ZZEF1: variants seen among roughly 807,000 people sequenced by gnomAD.
The protein encoded by ZZEF1 is zinc finger ZZ-type and EF-hand domain containing 1, also known as zinc finger ZZ-type and EF-hand domain-containing protein 1.
Under a neutral mutation model 342.8 loss-of-function variants are expected in ZZEF1, and 157 were observed. The ratio of observed to expected loss-of-function variants is 0.46; its 90% CI spans 0.40 to 0.52. The LOEUF (loss-of-function observed/expected upper bound fraction) is 0.52. ZZEF1 is among the 20% of genes least tolerant of loss of function. The pLI, the probability that ZZEF1 is intolerant of heterozygous loss-of-function variation, is 0.00. For missense variants in ZZEF1, 3,480 were observed against 3,725.6 expected (o/e 0.93, Z 1.72); for synonymous variants, 1,505 against 1,429.1 (o/e 1.05, Z -1.20).
At chr17:4,119,044 T>G (rs909294706) in intron 2 of ZZEF1, among the ~76,000 whole-genome samples, 1 of 152,230 alleles carries the variant, frequency 6.6e-6, no homozygotes, top group African/African-American at 2.4e-5. Context: ...AGTGAGGGTA[T>G]ATTGCTGGCC....
rs753571790 is a variant in ZZEF1 at position 4,142,578 on chromosome 17, A to G, written c.318T>C (p.Ala106=). ...TLEQFRELLE[A]RGAGCSSEQF... ...GCTCGCTAGAGCAGCCGGCGCCGCG[A>G]GCCTCCAGCAGCTCCCGGAACTGCT... The change falls in exon 1 of 55, where the codon GCT becomes GCC. Residue 106 remains alanine, a synonymous_variant. Transcript: ENST00000381638. 14 of 1,603,496 alleles carry G rather than the reference A, an allele frequency of 8.7e-6. No individual in the cohort carries two copies. The highest frequency in any genetic ancestry group is 5.5e-5 in the South Asian group (5 of 90,994).
chr17:4,053,954 G>A, intron 34 of ZZEF1, 103 bp downstream of exon 34: 1 of 1,315,824 alleles, frequency 7.6e-7, no homozygotes. Context: ...CCACTGGGCA[G>A]TACTTTGATT....
rs749169537 is a variant in ZZEF1 at position 4,072,760 on chromosome 17, G to A, written c.3686-4C>T. On this transcript the variant is annotated splice_region_variant and splice_polypyrimidine_tract_variant and intron_variant, in intron 24 of 54. Transcript: ENST00000381638. ...ACTACCATGTTACTTCCTAACTCTA[G>A]AAAGAGAAGAAGACATATGACAGTT... 2.6e-5 allele frequency: 42 copies of A among 1,607,532 alleles called. No homozygotes were observed. In the Admixed American group the frequency reaches 7.1e-4, roughly 27 times the overall value.
chr17:4,096,067 T>C (rs2058028233), intron 10 of ZZEF1, 88 bp from the exon 11 acceptor site: 1 of 1,404,406 alleles, frequency 7.1e-7, no homozygotes, highest in Non-Finnish European at 9.5e-7. Context: ...TCAAACAGGT[T>C]AAAACAAAAC....
At chr17:4,136,759 G>A (rs1244598224) in intron 1 of ZZEF1, among the ~76,000 whole-genome samples, 3 of 152,208 alleles carry the variant, frequency 2.0e-5, no homozygotes, top group Non-Finnish European at 4.4e-5. Context: ...CTGTAGGCTA[G>A]GTGCTAAAGG....
chr17:4,074,258 A>G lies in ZZEF1; in HGVS notation c.3577T>C (p.Cys1193Arg), dbSNP rs1385788330. ...EWGYKFTVTA[C>R]GLPDVAVSWG... ...GACACGGCAACATCGGGCAGCCCAC[A>G]GGCAGTGACAGTGAATTTGTAGCCC... The change falls in exon 24 of 55, where the codon TGT becomes CGT. Residue 1193 changes from cysteine to arginine, a missense_variant. Cys to Arg is a radical substitution (Grantham distance 180). This residue lies in a region of ZZEF1 where 1,528 missense variants were observed against 1,624.1 expected (regional missense o/e 0.94). Coordinates refer to ENST00000381638, the MANE Select transcript of ZZEF1 (RefSeq NM_015113.4). The G allele has an allele frequency of 2.5e-6, 4 of 1,614,076 alleles. No homozygotes were observed. The African/African-American group carries it at 4.0e-5, about 16-fold the overall frequency.
chr17:4,107,247 A>G (rs567921002), intron 6 of ZZEF1, among the ~76,000 whole-genome samples: 4 of 152,256 alleles, frequency 2.6e-5, no homozygotes, highest in Non-Finnish European at 5.9e-5. Flanking sequence ...ATGAACTAGT[A>G]AAACTGAGCA....
At chr17:4,128,277 G>A (rs920550118) in intron 1 of ZZEF1, among the ~76,000 whole-genome samples, 2 of 150,032 alleles carry the variant, frequency 1.3e-5, no homozygotes, top group African/African-American at 2.5e-5. Flanking sequence ...GAAGCCAGGA[G>A]GCAGAGGTTG....
At chr17:4,113,025 G>A (rs1386783231) in intron 4 of ZZEF1, among the ~76,000 whole-genome samples, 3 of 152,126 alleles carry the variant, frequency 2.0e-5, no homozygotes, top group Non-Finnish European at 2.9e-5. Flanking sequence ...TTAATCTTAC[G>A]ATTCCTTTTA....
At chr17:4,081,334 C>A in intron 18 of ZZEF1, 42 bp downstream of exon 18, 1 of 1,555,600 alleles carries the variant, frequency 6.4e-7, no homozygotes, top group Non-Finnish European at 8.9e-7. Flanking sequence ...CGTGCCCCCA[C>A]AAGCATGAGA....
chr17:4,027,591 T>G (rs983646908), intron 42 of ZZEF1, among the ~76,000 whole-genome samples: 83 of 132,136 alleles, frequency 6.3e-4, no homozygotes, highest in Non-Finnish European at 1.0e-3. Context: ...CACTGTGCCC[T>G]GCCTTTTTTT....
Position 4,032,046 on chromosome 17 carries a change from G to C in ZZEF1, c.6892+80C>G, listed in dbSNP as rs900082239. 2.0e-6 allele frequency: 3 copies of C among 1,466,980 alleles called. No individual in the cohort carries two copies. In the African/African-American group the frequency reaches 4.3e-5, roughly 21 times the overall value. The allele number at this position is 1,466,980 out of a possible 1,614,324, so 90.9% of individuals were successfully genotyped here. A position where few individuals can be genotyped will look rare whatever the true frequency, so the allele number is the denominator to read the frequency against. On this transcript the variant is annotated intron_variant, in intron 42 of 54. Transcript: ENST00000381638. ...AAATCACACGCAGGCCAAGAGCCAA[G>C]GTAATTTCATTGATTTTAGGGTACG... is the stretch of plus-strand genomic sequence containing the variant.
rs2055814983 is a variant in ZZEF1, at chr17:4,006,968, A to G, written c.8808T>C (p.Ala2936=). ...DDHLLRCAAQ[A]LQNIAAISLA... ...GGCTGATGGCAGCAATGTTCTGCAG[A>G]GCCTGTAGAGGGAAAAAGAGTTGTC... is the stretch of plus-strand genomic sequence containing the variant. The change falls in exon 55 of 55, where the codon GCT becomes GCC. Residue 2936 remains alanine (A), a splice_region_variant and synonymous_variant. Coordinates refer to ENST00000381638, the MANE Select transcript of ZZEF1 (RefSeq NM_015113.4). 2 of 1,582,062 alleles carry G rather than the reference A, an allele frequency of 1.3e-6. No homozygotes were observed. The highest frequency in any genetic ancestry group is 1.2e-5 in the South Asian group (1 of 86,744).
rs1007823140 is a variant in ZZEF1, at chr17:4,004,529, A to T, written c.*2361T>A. On this transcript the variant is annotated 3_prime_UTR_variant, in exon 55 of 55. Transcript: ENST00000381638. The stretch of plus-strand genomic sequence containing the variant: ...GCTTAACATCCTTTTTACAGGCTGA[A>T]CTCACTCAGGCTGATAGAATCAAAA... 2.0e-5 allele frequency: 3 copies of T among 152,554 alleles called. No homozygotes were observed. Among genetic ancestry groups the T allele is most frequent in the African/African-American group, 7.2e-5 (3 of 41,448 alleles). 9.5% of individuals were successfully genotyped at this position (152,554 alleles called of 1,614,324 possible). A position where few individuals can be genotyped will look rare whatever the true frequency, so the allele number is the denominator to read the frequency against.
At chr17:4,048,230 A>G (rs1396683313) in intron 37 of ZZEF1, among the ~76,000 whole-genome samples, 4 of 152,232 alleles carry the variant, frequency 2.6e-5, no homozygotes, top group African/African-American at 9.6e-5. Flanking sequence ...TTTCATGGAA[A>G]AAATGTGGAC....
chr17:4,103,421 C>G (rs1441240202), intron 8 of ZZEF1, among the ~76,000 whole-genome samples: 6 of 151,750 alleles, frequency 4.0e-5, no homozygotes, highest in Non-Finnish European at 5.9e-5. Flanking sequence ...GTGACCCATG[C>G]CTATAGTCCC....
chr17:4,132,913 C>T (rs1211904877), intron 1 of ZZEF1, among the ~76,000 whole-genome samples: 1 of 152,078 alleles, frequency 6.6e-6, no homozygotes, highest in Non-Finnish European at 1.5e-5. Flanking sequence ...TTGCAGTGAG[C>T]TGAGATCACG....
At chr17:4,055,080 G>C (rs991643428) in intron 33 of ZZEF1, among the ~76,000 whole-genome samples, 2 of 152,212 alleles carry the variant, frequency 1.3e-5, no homozygotes, top group African/African-American at 4.8e-5. Flanking sequence ...ACTTTCTGCA[G>C]GGATAGTCTG....
intron 11 of ZZEF1, among the ~76,000 whole-genome samples, chr17:4,091,376 A>G (rs2727074): frequency 0.51 from 77,355 of 152,140 alleles, 22,085 homozygotes; most frequent in East Asian, 0.74. Context: ...TCTTTCAGAA[A>G]AACATTCCAG....
Sources: gnomAD v4.1 joint callset for allele counts (sites outside exome capture counted in the v4.1 genomes callset) on GRCh38, gnomAD v4.1.1 for gene constraint, gnomAD v4.1.1 regional missense constraint, MANE v1.5 for transcripts, NCBI Gene and HGNC (gene_info 2026-07-23, HGNC 2026-07-21) for gene names.